RIPOR1: variants seen among roughly 807,000 people sequenced by gnomAD.
RIPOR1 encodes the protein rho family-interacting cell polarization regulator 1.
A neutral mutation model predicts 116.5 loss-of-function variants in RIPOR1; 58 were observed. The observed-to-expected ratio is 0.50, with a 90% CI of 0.40 to 0.62. The LOEUF (loss-of-function observed/expected upper bound fraction) is 0.62. Among genes scored for constraint, RIPOR1 ranks in the 20% least tolerant of loss-of-function variants. The probability of loss-of-function intolerance (pLI) is 0.00; values close to 1 mark genes in which losing one functional copy is unlikely to be tolerated. For synonymous variants in RIPOR1, 605 were observed against 650.0 expected (o/e 0.93, Z 1.05); for missense variants, 1,372 against 1,586.2 (o/e 0.86, Z 2.29).
At chr16:67,539,964 G>T in intron 6 of RIPOR1, 65 bp downstream of exon 6, 1 of 1,613,786 alleles carries the variant, frequency 6.2e-7, no homozygotes, top group Non-Finnish European at 8.5e-7. Context: ...AAGAGGGGTG[G>T]TGCCAGGCCC....
rs762066789 is a variant in RIPOR1, at chr16:67,545,767, C to T, written c.3294C>T (p.Leu1098=). The T allele has an allele frequency of 1.2e-6, 2 of 1,612,600 alleles. No homozygotes were observed. The highest frequency in any genetic ancestry group is 8.5e-7 in the Non-Finnish European group (1 of 1,179,388). Residue 1098 remains leucine, a synonymous_variant, in exon 19 of 22, where the codon CTC becomes CTT. Transcript: ENST00000042381. This position sits in a 1 kb window ranked among gnomAD's most constrained non-coding sequence, Gnocchi z 4.8. ...GRLRRDGLRA[L]SSLLVHGNNK... The stretch of plus-strand genomic sequence containing the variant: ...TGCGAAGGGACGGGCTGCGGGCCCT[C>T]AGCTCCCTGCTCGTCCATGGCAACA...
chr16:67,535,416 C>A (rs377617065), intron 1 of RIPOR1, among the ~76,000 whole-genome samples: 1 of 152,114 alleles, frequency 6.6e-6, no homozygotes, highest in Non-Finnish European at 1.5e-5. Flanking sequence ...GAGAGAGGTG[C>A]GCAGTGCTGA....
chr16:67,530,596 C>G lies in RIPOR1; in HGVS notation c.-24+1682C>G, dbSNP rs772346364. Among the ~76,000 whole-genome samples, 3 of 152,212 alleles carry G rather than the reference C, an allele frequency of 2.0e-5. No homozygotes were observed. The highest frequency in any genetic ancestry group is 4.4e-5 in the Non-Finnish European group (3 of 68,028). On this transcript the variant is annotated intron_variant, in intron 1 of 21. Transcript: ENST00000042381. This position sits in a 1 kb window ranked among gnomAD's most constrained non-coding sequence, Gnocchi z 4.5. ...GGGGACTCCCAGAGAGGCAGCTGGCCTGGCACAGTGCTGAGATGGGCAGCC... is the reference window on the plus strand; with the variant it reads ...GGGGACTCCCAGAGAGGCAGCTGGCGTGGCACAGTGCTGAGATGGGCAGCC...
chr16:67,539,813 C>T (rs1364438532), intron 5 of RIPOR1, 33 bp from the exon 6 acceptor site: 1 of 1,614,184 alleles, frequency 6.2e-7, no homozygotes, highest in East Asian at 2.2e-5. Context: ...GGACCCTGGG[C>T]CTCAGGCCCC....
rs749130888 is a variant in RIPOR1, at chr16:67,543,313, G to T, written c.2479-35G>T. The T allele has an allele frequency of 3.1e-6, 5 of 1,607,034 alleles. No homozygotes were observed. The highest frequency in any genetic ancestry group is 4.2e-6 in the Non-Finnish European group (5 of 1,177,612). ...GGGCAACCAGGGAGGGCAGCCAGGG[G>T]GCGGCAGCCGCTCTGATGCCCTTCA... is the stretch of plus-strand genomic sequence containing the variant. On this transcript the variant is annotated intron_variant, in intron 13 of 21. Coordinates refer to ENST00000042381, the MANE Select transcript of RIPOR1 (RefSeq NM_024519.4). This position sits in a 1 kb window ranked among gnomAD's most constrained non-coding sequence, Gnocchi z 4.7.
At position 67,543,850 on chromosome 16, in the gene RIPOR1, C is replaced by T; in HGVS notation, c.2600+381C>T. 1 of 370,282 alleles carries T rather than the reference C, an allele frequency of 2.7e-6. No homozygotes were observed. Among genetic ancestry groups the T allele is most frequent in the Non-Finnish European group, 5.1e-6 (1 of 197,972 alleles). 22.9% of individuals were successfully genotyped at this position (370,282 alleles called of 1,614,324 possible). A position where few individuals can be genotyped will look rare whatever the true frequency, so the allele number is the denominator to read the frequency against. On this transcript the variant is annotated intron_variant, in intron 14 of 21. Coordinates refer to ENST00000042381, the MANE Select transcript of RIPOR1 (RefSeq NM_024519.4). The surrounding 1 kb of genome is among the most constrained non-coding windows in gnomAD (Gnocchi z 4.7). The stretch of plus-strand genomic sequence containing the variant: ...CTCGCCGTGCACCCTGGGACCCCAG[C>T]ACTGCCCCACTCCTTCTCAACCCCG...
At chr16:67,519,886 A>G (rs1049951585) in intron 1 of RIPOR1, among the ~76,000 whole-genome samples, 1 of 151,356 alleles carries the variant, frequency 6.6e-6, no homozygotes, top group Non-Finnish European at 1.5e-5. Context: ...ACATGGTGAA[A>G]CCCTGTCTCT....
Position 67,538,670 on chromosome 16 carries a change from A to C in RIPOR1, c.105-2A>C. On this transcript the variant is annotated splice_acceptor_variant, in intron 2 of 21. Coordinates refer to ENST00000042381, the MANE Select transcript of RIPOR1 (RefSeq NM_024519.4). LOFTEE classifies it high-confidence loss of function. ...TCTTTCTGAGGACAGCCTCTCCTTCAGGAGTTTCCCGGTCTTCAGCCCGCC... is the reference window on the plus strand; with the variant it reads ...TCTTTCTGAGGACAGCCTCTCCTTCCGGAGTTTCCCGGTCTTCAGCCCGCC... 6.2e-7 allele frequency: 1 copy of C among 1,612,604 alleles called. No homozygotes were observed. The highest frequency in any genetic ancestry group is 8.5e-7 in the Non-Finnish European group (1 of 1,179,606).
chr16:67,531,226 G>A lies in RIPOR1; in HGVS notation c.-24+2312G>A, dbSNP rs1277914235. ...GAGGGAGGATTGCATGTCGGGTAGG[G>A]GAGTTGGGGTGGACATAGACTTAAA... is the stretch of plus-strand genomic sequence containing the variant. On this transcript the variant is annotated intron_variant, in intron 1 of 21. Transcript: ENST00000042381. This position sits in a 1 kb window ranked among gnomAD's most constrained non-coding sequence, Gnocchi z 4.2. 6.6e-6 allele frequency among the ~76,000 whole-genome samples: 1 copy of A among 151,950 alleles called. No individual in the cohort carries two copies.
At position 67,540,471 on chromosome 16, in the gene RIPOR1, C is replaced by T. The variant is rs747087160; in HGVS notation, c.645C>T (p.Phe215=). 87 of 1,614,062 alleles carry T rather than the reference C, an allele frequency of 5.4e-5. 1 individual carries two copies. Among genetic ancestry groups the T allele is most frequent in the South Asian group, 3.2e-4 (29 of 91,088 alleles). ...FHLRMKGLAG[F]ARLCVGDQYE... ...CCTCCAACTCAGGGCTGGCTGGCTT[C>T]GCCAGGCTGTGTGTAGGCGATCAGT... The change falls in exon 9 of 22, where the codon TTC becomes TTT. Residue 215 remains phenylalanine, a synonymous_variant. Transcript: ENST00000042381. This position sits in a 1 kb window ranked among gnomAD's most constrained non-coding sequence, Gnocchi z 4.7.
upstream of RIPOR1, among the ~76,000 whole-genome samples, chr16:67,528,123 T>G (rs1418948625): frequency 1.3e-5 from 2 of 151,878 alleles, no homozygotes; most frequent in South Asian, 2.1e-4. Context: ...GACCCCAACA[T>G]GGGGTCGACT....
Position 67,541,416 on chromosome 16 carries a change from A to C in RIPOR1, c.802-14A>C, listed in dbSNP as rs1436726063. 33 of 1,611,468 alleles carry C rather than the reference A, an allele frequency of 2.0e-5. No homozygotes were observed. Among genetic ancestry groups the C allele is most frequent in the Non-Finnish European group, 2.7e-5 (32 of 1,178,668 alleles). ...CTGCACCCTTGTGACCCTACCATGC[A>C]CTCTTGGCTACAGGTGACAGAACTG... On this transcript the variant is annotated splice_polypyrimidine_tract_variant and intron_variant, in intron 10 of 21. Coordinates refer to ENST00000042381, the MANE Select transcript of RIPOR1 (RefSeq NM_024519.4). The surrounding 1 kb of genome is among the most constrained non-coding windows in gnomAD (Gnocchi z 4.6).
rs377568325 is a variant in RIPOR1, at chr16:67,543,738, C to T, written c.2600+269C>T. 2.6e-3 allele frequency: 1,376 copies of T among 527,448 alleles called. 29 individuals carry two copies. The South Asian group carries it at 0.027, about 11-fold the overall frequency. 32.7% of individuals were successfully genotyped at this position (527,448 alleles called of 1,614,324 possible). A position where few individuals can be genotyped will look rare whatever the true frequency, so the allele number is the denominator to read the frequency against. On this transcript the variant is annotated intron_variant, in intron 14 of 21. Coordinates refer to ENST00000042381, the MANE Select transcript of RIPOR1 (RefSeq NM_024519.4). The surrounding 1 kb of genome is among the most constrained non-coding windows in gnomAD (Gnocchi z 4.7). ...TCTCTGCAATGTCTGCCTCCCCTGC[C>T]GGTCCCCATCAGCTTGGGTGCCTCC...
chr16:67,520,423 GAGAGA>G (rs550076256), intron 1 of RIPOR1, among the ~76,000 whole-genome samples: 4 of 142,528 alleles, frequency 2.8e-5, no homozygotes, highest in Non-Finnish European at 6.1e-5. Flanking sequence ...GGATGGAAAA[GAGAGA>G]AGAGAAGATA....
At position 67,542,135 on chromosome 16, in the gene RIPOR1, A is replaced by T; in HGVS notation, c.1349A>T (p.His450Leu). ...GHAPYSRTLS[H>L]ISEASVDAAL... The stretch of plus-strand genomic sequence containing the variant: ...GCACCCTACAGTCGGACTCTGAGCC[A>T]CATCAGTGAGGCTAGTGTAGATGCT... The change falls in exon 13 of 22, where the codon CAC becomes CTC. Residue 450 changes from histidine (H) to leucine (L), a missense_variant. This residue lies in a region of RIPOR1 where 1,005 missense variants were observed against 1,144.7 expected (regional missense o/e 0.88). Coordinates refer to ENST00000042381, the MANE Select transcript of RIPOR1 (RefSeq NM_024519.4). The surrounding 1 kb of genome is among the most constrained non-coding windows in gnomAD (Gnocchi z 4.6). The T allele has an allele frequency of 6.2e-7, 1 of 1,613,768 alleles. No homozygotes were observed. The highest frequency in any genetic ancestry group is 2.2e-5 in the East Asian group (1 of 44,860).
chr16:67,523,324 G>A (rs990807176), intron 1 of RIPOR1, among the ~76,000 whole-genome samples: 2 of 151,858 alleles, frequency 1.3e-5, no homozygotes, highest in Admixed American at 6.6e-5. Flanking sequence ...TCAGGAGTTC[G>A]AGACCAGCCT....
rs1463416262 is a variant in RIPOR1, at chr16:67,540,724, C to T, written c.801+20C>T. On this transcript the variant is annotated intron_variant, in intron 10 of 21. Coordinates refer to ENST00000042381, the MANE Select transcript of RIPOR1 (RefSeq NM_024519.4). The surrounding 1 kb of genome is among the most constrained non-coding windows in gnomAD (Gnocchi z 4.7). ...ATTAAGGTGATGTCTCTGCCCAGGA[C>T]GGCAGGCCACCATGGCCCTGTGAAC... 1.2e-5 allele frequency: 18 copies of T among 1,562,050 alleles called. No individual in the cohort carries two copies. Among genetic ancestry groups the T allele is most frequent in the Admixed American group, 5.6e-5 (3 of 53,476 alleles).
chr16:67,528,014 C>T (rs185957165), upstream of RIPOR1, among the ~76,000 whole-genome samples: 68 of 152,126 alleles, frequency 4.5e-4, no homozygotes, highest in Admixed American at 7.9e-4. Flanking sequence ...ATGAGGGCTG[C>T]GGGAGTGCAA....
At chr16:67,539,371 T>C (rs1205133473) in intron 4 of RIPOR1, 1 of 518,932 alleles carries the variant, frequency 1.9e-6, no homozygotes, top group Non-Finnish European at 3.5e-6. Context: ...ATGGTGCTTC[T>C]TGGGAAGAGG....
Sources: allele counts gnomAD v4.1 joint callset (sites outside exome capture counted in the v4.1 genomes callset), GRCh38; gene constraint gnomAD v4.1.1; regional missense constraint gnomAD v4.1.1; non-coding constraint Gnocchi (gnomAD v3.1); transcripts MANE v1.5; gene names NCBI Gene and HGNC (gene_info 2026-07-23, HGNC 2026-07-21).